The following ARHGEF9 variants were observed in gnomAD, a reference collection of about 807,000 sequenced individuals.
ARHGEF9 encodes rho guanine nucleotide exchange factor 9.
ARHGEF9 carries 2 observed loss-of-function variants against 41.3 expected under a neutral mutation model. That is an observed-to-expected ratio of 0.05 (90% CI 0.02 to 0.15). ARHGEF9 has a LOEUF of 0.15. Among genes scored for constraint, ARHGEF9 ranks in the 10% least tolerant of loss-of-function variants. ARHGEF9 has a pLI of 1.00. For synonymous variants in ARHGEF9, 160 were observed against 154.4 expected, an observed-to-expected ratio of 1.04 and a Z score of -0.27; for missense variants, 225 against 424.7, an observed-to-expected ratio of 0.53 and a Z score of 4.13.
At chrX:63,777,070 A>G (rs1188216741) in intron 1 of ARHGEF9, among the ~76,000 whole-genome samples, 1 of 111,878 alleles carries the variant, frequency 8.9e-6, no homozygotes, top group Non-Finnish European at 1.9e-5. Context: ...GTATTAGCCC[A>G]TTCTCGAACT....
intron 9 of ARHGEF9, chrX:63,640,659 G>T (rs1203385619): frequency 1.8e-5 from 2 of 112,079 alleles, no homozygotes; most frequent in Non-Finnish European, 3.8e-5. Context: ...GCTAGATCTG[G>T]TATTCTCTAC....
intron 8 of ARHGEF9, among the ~76,000 whole-genome samples, chrX:63,653,807 AAAAAGT>A (rs1392870399): frequency 1.8e-5 from 2 of 111,157 alleles, no homozygotes; most frequent in Non-Finnish European, 3.8e-5. Context: ...TTTTATAATT[AAAAAGT>A]AAAAGTTTAA....
intron 4 of ARHGEF9, among the ~76,000 whole-genome samples, chrX:63,686,356 G>A (rs1474160459): frequency 2.7e-5 from 3 of 111,092 alleles, no homozygotes; most frequent in African/African-American, 6.5e-5. Flanking sequence ...TAACAGAGAC[G>A]GAAGTGTGAG....
At chrX:63,747,730 T>C (rs374321293) in intron 1 of ARHGEF9, among the ~76,000 whole-genome samples, 1 of 112,633 alleles carries the variant, frequency 8.9e-6, no homozygotes, top group Non-Finnish European at 1.9e-5. Flanking sequence ...ACTGGGTTAA[T>C]GGAAACAATT....
intron 4 of ARHGEF9, among the ~76,000 whole-genome samples, chrX:63,695,204 T>C (rs1309437053): frequency 1.2e-4 from 14 of 112,100 alleles, no homozygotes; most frequent in African/African-American, 4.5e-4. Context: ...GGAATGCTGT[T>C]AAACATCCTA....
At chrX:63,763,057 A>G (rs1556450285) in intron 1 of ARHGEF9, among the ~76,000 whole-genome samples, 1 of 112,200 alleles carries the variant, frequency 8.9e-6, no homozygotes, top group African/African-American at 3.2e-5. Context: ...TGTTATAGAT[A>G]AGGCTTCCAG....
chrX:63,713,884 C>T (rs1556408516), intron 2 of ARHGEF9, among the ~76,000 whole-genome samples: 1 of 111,204 alleles, frequency 9.0e-6, no homozygotes, highest in Non-Finnish European at 1.9e-5. Flanking sequence ...TACTCCTCTA[C>T]CCCTCAAGGG....
intron 2 of ARHGEF9, among the ~76,000 whole-genome samples, chrX:63,720,370 G>C (rs1173895502): frequency 8.9e-6 from 1 of 111,775 alleles, no homozygotes; most frequent in East Asian, 2.8e-4. Flanking sequence ...TAAACAAATG[G>C]ACAACCACAG....
At chrX:63,689,691 T>C (rs782071174) in intron 4 of ARHGEF9, among the ~76,000 whole-genome samples, 5 of 112,230 alleles carry the variant, frequency 4.5e-5, no homozygotes, top group Non-Finnish European at 9.4e-5. Context: ...TGCTGGAGAC[T>C]ACACATTTTC....
intron 1 of ARHGEF9, chrX:63,767,220 C>T (rs868968081): frequency 5.1e-6 from 3 of 590,839 alleles, no homozygotes; most frequent in African/African-American, 4.5e-5. Flanking sequence ...CTGGCTGAAG[C>T]TCTGCCTAAA....
intron 2 of ARHGEF9, among the ~76,000 whole-genome samples, chrX:63,718,407 C>T (rs1311105117): frequency 1.8e-5 from 2 of 111,546 alleles, no homozygotes; most frequent in African/African-American, 6.5e-5. Flanking sequence ...TCCAGGTACT[C>T]AGTCATGGTC....
At chrX:63,761,563 A>G (rs2056034734) in intron 1 of ARHGEF9, among the ~76,000 whole-genome samples, 1 of 111,774 alleles carries the variant, frequency 8.9e-6, no homozygotes, top group Non-Finnish European at 1.9e-5. Context: ...GCCTGAGAAT[A>G]CCAATCTTCA....
intron 5 of ARHGEF9, among the ~76,000 whole-genome samples, chrX:63,677,610 A>T (rs1184828216): frequency 9.0e-6 from 1 of 111,289 alleles, no homozygotes; most frequent in African/African-American, 3.3e-5. Context: ...GCAGAAATTG[A>T]TGTCGCCTGA....
In ARHGEF9 at chrX:63,678,374, C is replaced by A. The variant is rs782497496; in HGVS notation, c.781G>T (p.Ala261Ser). Residue 261 changes from alanine (A) to serine (S), a missense_variant, in exon 5 of 10, where the codon GCT (alanine) becomes TCT (serine). Around this residue, in one of 3 missense-constraint regions of ARHGEF9, gnomAD observed 36 missense variants for 113.6 expected, o/e 0.32. Coordinates refer to ENST00000671741, the MANE Select transcript of ARHGEF9 (RefSeq NM_001353921.2). ...QKICKYPLQL[A>S]ELLKYTAQDH... ...TGGGCAGTATACTTTAGGAGCTCAGCCAACTGTAAGGGATACTTGCAGATC... is the reference window on the plus strand; with the variant it reads ...TGGGCAGTATACTTTAGGAGCTCAGACAACTGTAAGGGATACTTGCAGATC... 50 of 1,205,322 alleles carry A rather than the reference C, an allele frequency of 4.1e-5. No individual in the cohort carries two copies. The South Asian group carries it at 8.3e-4, about 20-fold the overall frequency.
chrX:63,689,109 T>C (rs1175314621), intron 4 of ARHGEF9, among the ~76,000 whole-genome samples: 1 of 110,975 alleles, frequency 9.0e-6, no homozygotes, highest in African/African-American at 3.3e-5. Context: ...AATAACAAAA[T>C]GGCAGTAGTA....
intron 1 of ARHGEF9, among the ~76,000 whole-genome samples, chrX:63,762,877 A>C (rs1195337121): frequency 5.3e-5 from 6 of 112,186 alleles, no homozygotes; most frequent in Non-Finnish European, 9.4e-5. Context: ...ACTCAATGTG[A>C]AAACACTGAG....
At chrX:63,697,412 A>G in intron 3 of ARHGEF9, 108 bp from the exon 4 acceptor site, 1 of 692,923 alleles carries the variant, frequency 1.4e-6, no homozygotes, top group Admixed American at 2.9e-5. Context: ...GTAGGCATGG[A>G]ATAATTATTT....
chrX:63,715,403 T>A (rs1556409470), intron 2 of ARHGEF9, among the ~76,000 whole-genome samples: 2 of 109,151 alleles, frequency 1.8e-5, no homozygotes, highest in African/African-American at 6.7e-5. Context: ...GAGTTACCCA[T>A]CTCACAGAAA....
intron 1 of ARHGEF9, among the ~76,000 whole-genome samples, chrX:63,782,836 G>T (rs1425948063): frequency 8.9e-6 from 1 of 112,407 alleles, no homozygotes; most frequent in East Asian, 2.8e-4. Flanking sequence ...GAATTTTGGT[G>T]CTTATTAACA....
Sources: allele counts gnomAD v4.1 joint callset (sites outside exome capture counted in the v4.1 genomes callset), GRCh38; gene constraint gnomAD v4.1.1; regional missense constraint gnomAD v4.1.1; transcripts MANE v1.5; gene names NCBI Gene and HGNC (gene_info 2026-07-23, HGNC 2026-07-21).